Variants in DPP6 observed in about 807,000 individuals in gnomAD.
The protein encoded by DPP6 is A-type potassium channel modulatory protein DPP6.
DPP6 carries 69 observed loss-of-function variants against 122.6 expected under a neutral mutation model. The ratio of observed to expected loss-of-function variants is 0.56; its 90% CI spans 0.46 to 0.69. The LOEUF is 0.69. Among genes scored for constraint, DPP6 ranks in the 30% least tolerant of loss-of-function variants. The probability of loss-of-function intolerance (pLI) is 0.00; values close to 1 mark genes in which losing one functional copy is unlikely to be tolerated. For synonymous variants in DPP6, 418 were observed against 433.1 expected, an observed-to-expected ratio of 0.97 and a Z score of 0.43; for missense variants, 928 against 1,116.9, an observed-to-expected ratio of 0.83 and a Z score of 2.41.
the DPP6 span, among the ~76,000 whole-genome samples, chr7:153,836,815 C>A: frequency 6.6e-6 from 1 of 152,154 alleles, no homozygotes; most frequent in Non-Finnish European, 1.5e-5. Context: ...GTCATGAATT[C>A]CAGGGCTCTG....
At chr7:154,165,275 C>T (rs1429577593) in intron 1 of DPP6, among the ~76,000 whole-genome samples, 12 of 144,458 alleles carry the variant, frequency 8.3e-5, no homozygotes, top group Middle Eastern at 3.5e-3. Context: ...TTTGTTCTTG[C>T]GATAGTTTAC....
At chr7:154,737,478 A>G (rs780459196) in intron 8 of DPP6, among the ~76,000 whole-genome samples, 4 of 152,156 alleles carry the variant, frequency 2.6e-5, no homozygotes, top group Non-Finnish European at 5.9e-5. Context: ...AATATTTTTT[A>G]TGGTCACACT....
intron 3 of DPP6, among the ~76,000 whole-genome samples, chr7:154,491,315 G>A (rs765494235): frequency 3.3e-5 from 5 of 152,294 alleles, no homozygotes; most frequent in Admixed American, 1.3e-4. Context: ...GCTGCTGTGC[G>A]TTAGCAACAA....
intron 1 of DPP6, among the ~76,000 whole-genome samples, chr7:154,333,279 G>A (rs1809116274): frequency 6.6e-6 from 1 of 151,368 alleles, no homozygotes; most frequent in South Asian, 2.1e-4. Flanking sequence ...GAGTGTTATT[G>A]GACTTTGATG....
intron 1 of DPP6, among the ~76,000 whole-genome samples, chr7:154,318,303 G>A (rs1315995822): frequency 6.6e-6 from 1 of 152,096 alleles, no homozygotes; most frequent in South Asian, 2.1e-4. Flanking sequence ...CGTCTCCCTC[G>A]TTCTCACTCT....
chr7:154,649,623 C>T (rs1836739509), intron 6 of DPP6, among the ~76,000 whole-genome samples: 1 of 152,226 alleles, frequency 6.6e-6, no homozygotes. Context: ...GGAGAAGCAT[C>T]TGTGCTCACT....
intron 3 of DPP6, among the ~76,000 whole-genome samples, chr7:154,505,137 TC>T (rs2129686763): frequency 6.6e-6 from 1 of 152,304 alleles, no homozygotes; most frequent in South Asian, 2.1e-4. Flanking sequence ...CAACTCAGAT[TC>T]CTGGGATTCC....
At position 154,755,224 on chromosome 7, in the gene DPP6, C is replaced by T. The variant is rs929135837; in HGVS notation, c.884-14193C>T. ...CAATGTTTTGGTCAGTACCAGGACA[C>T]GAATGACAGGCTGCCTGCCTGTCCG... On this transcript the variant is annotated intron_variant, in intron 8 of 25. Transcript: ENST00000377770. The surrounding 1 kb of genome is among the most constrained non-coding windows in gnomAD (Gnocchi z 4.7). Among the ~76,000 whole-genome samples, 24 of 151,334 alleles carry T rather than the reference C, an allele frequency of 1.6e-4. No homozygotes were observed. Among genetic ancestry groups the T allele is most frequent in the Admixed American group, 5.9e-4 (9 of 15,210 alleles).
Position 154,015,281 on chromosome 7 carries a change from G to A in DPP6, c.51+127547G>A, listed in dbSNP as rs575425089. Among the ~76,000 whole-genome samples, 35 of 152,120 alleles carry A rather than the reference G, an allele frequency of 2.3e-4. 1 individual carries two copies. Among genetic ancestry groups the A allele is most frequent in the African/African-American group, 7.5e-4 (31 of 41,510 alleles). On this transcript the variant is annotated intron_variant, in intron 1 of 25. Coordinates refer to the DPP6 transcript ENST00000404039. ...CACTCCTTTTTCCATGTCCTCGACCGGTTCTGTCTTCCCGCGTGACCTCTC... is the reference window on the plus strand; with the variant it reads ...CACTCCTTTTTCCATGTCCTCGACCAGTTCTGTCTTCCCGCGTGACCTCTC...
At chr7:153,818,062 G>A in the DPP6 span, among the ~76,000 whole-genome samples, 1 of 152,014 alleles carries the variant, frequency 6.6e-6, no homozygotes, top group African/African-American at 2.4e-5. Flanking sequence ...CTACAAATCA[G>A]TGAGGAAAAG....
At chr7:154,870,720 TG>T (rs199542530) in intron 18 of DPP6, among the ~76,000 whole-genome samples, 3,788 of 151,958 alleles carry the variant, frequency 0.025, 160 homozygotes, top group African/African-American at 0.086. Flanking sequence ...CCCAGCACTT[TG>T]GGAGGCCGAG....
chr7:154,631,992 G>T (rs572636460), intron 5 of DPP6, among the ~76,000 whole-genome samples: 1 of 152,196 alleles, frequency 6.6e-6, no homozygotes, highest in South Asian at 2.1e-4. Flanking sequence ...TAGGCTCTGA[G>T]ACTCCAGTGC....
chr7:154,312,532 A>G (rs950232199), intron 1 of DPP6, among the ~76,000 whole-genome samples: 1 of 152,234 alleles, frequency 6.6e-6, no homozygotes, highest in African/African-American at 2.4e-5. Flanking sequence ...GTGGAACTGC[A>G]CGAGACTCAA....
chr7:154,775,218 C>A (rs1796488275), intron 10 of DPP6, among the ~76,000 whole-genome samples: 1 of 152,138 alleles, frequency 6.6e-6, no homozygotes, highest in Non-Finnish European at 1.5e-5. Flanking sequence ...AGTTACTCAG[C>A]CTCCCTGCTT....
intron 5 of DPP6, among the ~76,000 whole-genome samples, chr7:154,580,284 A>G (rs1586673001): frequency 6.6e-6 from 1 of 151,574 alleles, no homozygotes; most frequent in East Asian, 1.9e-4. Flanking sequence ...CATTGCTCTT[A>G]GTATATTTCC....
At chr7:153,996,906 C>G (rs1457196955) in intron 1 of DPP6, among the ~76,000 whole-genome samples, 2 of 152,174 alleles carry the variant, frequency 1.3e-5, no homozygotes, top group Non-Finnish European at 2.9e-5. Flanking sequence ...ATGTTGAGCT[C>G]TGTTTGGAGT....
chr7:154,802,293 C>G (rs1277965937), intron 13 of DPP6, among the ~76,000 whole-genome samples: 1 of 152,048 alleles, frequency 6.6e-6, no homozygotes, highest in Non-Finnish European at 1.5e-5. Flanking sequence ...AAGGCAATTT[C>G]AAAAGAAAAT....
intron 5 of DPP6, among the ~76,000 whole-genome samples, chr7:154,592,485 C>A (rs868108939): frequency 5.3e-5 from 8 of 152,214 alleles, no homozygotes; most frequent in African/African-American, 1.9e-4. Flanking sequence ...GAAGCCCCTG[C>A]GCTCGTGGAT....
At chr7:153,891,345 TGAGAA>T (rs145399255) in intron 1 of DPP6, among the ~76,000 whole-genome samples, 5,703 of 152,166 alleles carry the variant, frequency 0.037, 332 homozygotes, top group African/African-American at 0.13. Flanking sequence ...TTTTAATTCT[TGAGAA>T]GAGTCTATTT....
Sources: allele counts gnomAD v4.1 joint callset (sites outside exome capture counted in the v4.1 genomes callset), GRCh38; gene constraint gnomAD v4.1.1; non-coding constraint Gnocchi (gnomAD v3.1); transcripts MANE v1.5; gene names NCBI Gene and HGNC (gene_info 2026-07-23, HGNC 2026-07-21).